The following DDX10 variants were observed in gnomAD, a reference collection of about 807,000 sequenced individuals.
The protein encoded by DDX10 is probable ATP-dependent RNA helicase DDX10.
A neutral mutation model predicts 104.3 loss-of-function variants in DDX10; 74 were observed. The ratio of observed to expected loss-of-function variants is 0.71; its 90% CI spans 0.59 to 0.86. The LOEUF (loss-of-function observed/expected upper bound fraction) is 0.86, where lower values mean the gene tolerates loss of function less well. Among genes scored for constraint, DDX10 ranks in the 40% least tolerant of loss-of-function variants. The pLI is 0.00. For missense variants in DDX10, 952 were observed against 1,040.0 expected, an observed-to-expected ratio of 0.92 and a Z score of 1.16; for synonymous variants, 351 against 353.4, an observed-to-expected ratio of 0.99 and a Z score of 0.08.
chr11:108,833,300 T>C (rs1862498012), intron 13 of DDX10, among the ~76,000 whole-genome samples: 1 of 152,250 alleles, frequency 6.6e-6, no homozygotes, highest in African/African-American at 2.4e-5. Flanking sequence ...TAAGATTATA[T>C]ATATAATTAA....
intron 13 of DDX10, among the ~76,000 whole-genome samples, chr11:108,814,593 C>A (rs1862229086): frequency 6.6e-6 from 1 of 152,166 alleles, no homozygotes; most frequent in East Asian, 1.9e-4. Context: ...ATGAATATAG[C>A]ATCAGAGATT....
At chr11:108,762,186 GAATGCAGTGCTCA>G (rs2094351604) in intron 13 of DDX10, among the ~76,000 whole-genome samples, 1 of 152,112 alleles carries the variant, frequency 6.6e-6, no homozygotes, top group Admixed American at 6.5e-5. Context: ...CCTTGTTATT[GAATGCAGTGCTCA>G]AATACAGCAT....
intron 16 of DDX10, among the ~76,000 whole-genome samples, chr11:108,887,625 C>T (rs1734103553): frequency 6.6e-6 from 1 of 150,750 alleles, no homozygotes; most frequent in African/African-American, 2.4e-5. Flanking sequence ...GTTAGAAATA[C>T]AGCTTTTGGC....
chr11:108,906,741 T>A (rs1480461743), intron 16 of DDX10, among the ~76,000 whole-genome samples: 1 of 152,240 alleles, frequency 6.6e-6, no homozygotes, highest in Non-Finnish European at 1.5e-5. Context: ...AGATGCACCA[T>A]TATTTAATAG....
At chr11:108,926,493 A>G (rs1863910780) in intron 17 of DDX10, among the ~76,000 whole-genome samples, 1 of 152,210 alleles carries the variant, frequency 6.6e-6, no homozygotes, top group African/African-American at 2.4e-5. Flanking sequence ...CTGATCCAAG[A>G]GGACCAGTTT....
At chr11:108,815,615 C>T (rs891031812) in intron 13 of DDX10, among the ~76,000 whole-genome samples, 2 of 152,116 alleles carry the variant, frequency 1.3e-5, no homozygotes, top group African/African-American at 2.4e-5. Flanking sequence ...TCATGTGTCC[C>T]ATTTGTATAA....
intron 13 of DDX10, among the ~76,000 whole-genome samples, chr11:108,798,183 T>C (rs971164150): frequency 1.3e-5 from 2 of 152,180 alleles, no homozygotes; most frequent in African/African-American, 2.4e-5. Context: ...AAATGCCTAG[T>C]CTTCAATAAA....
At chr11:108,925,143 G>T (rs1430256935) in intron 17 of DDX10, among the ~76,000 whole-genome samples, 1 of 152,190 alleles carries the variant, frequency 6.6e-6, no homozygotes, top group East Asian at 1.9e-4. Context: ...GAGGCAGATT[G>T]TTGGGGTGGG....
intron 4 of DDX10, among the ~76,000 whole-genome samples, chr11:108,677,541 A>G (rs1353172458): frequency 6.6e-6 from 1 of 151,988 alleles, no homozygotes; most frequent in African/African-American, 2.4e-5. Flanking sequence ...ATTTCCATAT[A>G]TGAACTAGTA....
chr11:108,704,407 T>TA, intron 9 of DDX10, among the ~76,000 whole-genome samples: 1 of 152,336 alleles, frequency 6.6e-6, no homozygotes, highest in South Asian at 2.1e-4. Context: ...CTTCTGAAGG[T>TA]AATTCGCTTA....
Position 108,724,166 on chromosome 11 carries a change from A to C in DDX10, c.1965+704A>C, listed in dbSNP as rs2134477605. 2.6e-5 allele frequency among the ~76,000 whole-genome samples: 4 copies of C among 152,206 alleles called. No homozygotes were observed. The South Asian group carries it at 8.3e-4, about 31-fold the overall frequency. ...TTAAAAGGGAATTGAATAAAAAATGAAGCTTGATTCTTACTCTTTATACAA... is the reference window on the plus strand; with the variant it reads ...TTAAAAGGGAATTGAATAAAAAATGCAGCTTGATTCTTACTCTTTATACAA... On this transcript the variant is annotated intron_variant, in intron 13 of 17. Transcript: ENST00000322536.
chr11:108,851,254 A>G (rs775207013), intron 15 of DDX10, among the ~76,000 whole-genome samples: 4 of 152,182 alleles, frequency 2.6e-5, no homozygotes, highest in Non-Finnish European at 5.9e-5. Flanking sequence ...AGATAAAGCT[A>G]CAAATACATG....
chr11:108,820,336 C>T (rs1862309357), intron 13 of DDX10, among the ~76,000 whole-genome samples: 1 of 152,166 alleles, frequency 6.6e-6, no homozygotes, highest in Non-Finnish European at 1.5e-5. Context: ...TTAAGGAATA[C>T]ACTTTGTTGG....
At position 108,802,007 on chromosome 11, in the gene DDX10, T is replaced by TGG. The variant is rs1401878088; in HGVS notation, c.1966-36436_1966-36435dup. 1.6e-4 allele frequency among the ~76,000 whole-genome samples: 12 copies of TGG among 73,220 alleles called. No individual in the cohort carries two copies. In the East Asian group the frequency reaches 3.4e-3, roughly 21 times the overall value. The allele number at this position is 73,220 out of a possible 152,430, so 48.0% of individuals were successfully genotyped here. ...GAGAAGGAAGGGGAGAGAAAGTGAG[T>TGG]GGGGTGTGTGTGTGTGTGTGTGTGT... On this transcript the variant is annotated intron_variant, in intron 13 of 17. Transcript: ENST00000322536.
At chr11:108,735,920 C>A (rs747990232) in intron 13 of DDX10, among the ~76,000 whole-genome samples, 2 of 151,960 alleles carry the variant, frequency 1.3e-5, no homozygotes, top group Admixed American at 6.6e-5. Context: ...TTAAGAAATG[C>A]CTATTGTTTA....
chr11:108,936,899 A>G (rs570826502), intron 17 of DDX10, among the ~76,000 whole-genome samples: 1 of 152,332 alleles, frequency 6.6e-6, no homozygotes, highest in Non-Finnish European at 1.5e-5. Flanking sequence ...GATTGTGCCC[A>G]TTCACTTTTC....
At chr11:108,684,152 TTTTTTTTTAAGGTTATAGATTTTC>T in intron 6 of DDX10, among the ~76,000 whole-genome samples, 1 of 140,082 alleles carries the variant, frequency 7.1e-6, no homozygotes, top group East Asian at 2.0e-4. Context: ...TTTTTTTTTT[TTTTTTTTTAAGGTTATAGATTTTC>T]TTTTTTTTTT....
chr11:108,703,765 G>A (rs1347051591), intron 9 of DDX10, among the ~76,000 whole-genome samples: 1 of 152,102 alleles, frequency 6.6e-6, no homozygotes, highest in Non-Finnish European at 1.5e-5. Flanking sequence ...AAAGTGAAAT[G>A]TTCTTATGCC....
chr11:108,848,121 A>T (rs966850027), intron 15 of DDX10, among the ~76,000 whole-genome samples: 1 of 152,214 alleles, frequency 6.6e-6, no homozygotes, highest in Non-Finnish European at 1.5e-5. Context: ...TCATGTTTCC[A>T]GAACAAGGTC....
Sources: allele counts gnomAD v4.1 joint callset (sites outside exome capture counted in the v4.1 genomes callset), GRCh38; gene constraint gnomAD v4.1.1; transcripts MANE v1.5; gene names NCBI Gene and HGNC (gene_info 2026-07-23, HGNC 2026-07-21).